Variants in B3GALT1 observed in about 807,000 individuals in gnomAD.
B3GALT1 encodes the protein UDP-Gal:betaGlcNAc beta 1,3-galactosyltransferase, polypeptide 1.
A neutral mutation model predicts 23.2 loss-of-function variants in B3GALT1; 10 were observed. The ratio of observed to expected loss-of-function variants is 0.43; its 90% CI spans 0.27 to 0.73. B3GALT1 has a LOEUF of 0.73. Among genes scored for constraint, B3GALT1 ranks in the 30% least tolerant of loss-of-function variants. The pLI is 0.21. For synonymous variants in B3GALT1, 156 were observed against 141.5 expected (o/e 1.10, Z -0.73); for missense variants, 299 against 405.4 (o/e 0.74, Z 2.25).
At chr2:167,645,700 C>T (rs1390667779) in intron 2 of B3GALT1, among the ~76,000 whole-genome samples, 3 of 151,284 alleles carry the variant, frequency 2.0e-5, no homozygotes, top group East Asian at 3.9e-4. Context: ...CCTGAGTAGG[C>T]GGGATTACAG....
chr2:167,340,441 A>C (rs1296964353), intron 1 of B3GALT1, among the ~76,000 whole-genome samples: 3 of 152,170 alleles, frequency 2.0e-5, no homozygotes, highest in Non-Finnish European at 4.4e-5. Flanking sequence ...CAAAATCTGA[A>C]GCTACTCAAA....
At chr2:167,556,866 A>T (rs1000688046) in intron 2 of B3GALT1, among the ~76,000 whole-genome samples, 9 of 152,204 alleles carry the variant, frequency 5.9e-5, no homozygotes, top group Admixed American at 2.6e-4. Context: ...CCTGCAATGG[A>T]ATATTTATTT....
Position 167,605,743 on chromosome 2 carries a change from C to T in B3GALT1, c.-409-41166C>T, listed in dbSNP as rs115630824. 4.3e-3 allele frequency among the ~76,000 whole-genome samples: 658 copies of T among 152,268 alleles called. 9 individuals carry two copies. Among genetic ancestry groups the T allele is most frequent in the African/African-American group, 0.015 (610 of 41,556 alleles). ...TGCATCTTTATTTTATTGTTCCAGGCACTCTGGTAGGTACTTTATATCTTT... is the reference window on the plus strand; with the variant it reads ...TGCATCTTTATTTTATTGTTCCAGGTACTCTGGTAGGTACTTTATATCTTT... On this transcript the variant is annotated intron_variant, in intron 2 of 4. Transcript: ENST00000392690.
At chr2:167,699,522 T>G (rs546945338) in intron 3 of B3GALT1, among the ~76,000 whole-genome samples, 13 of 151,328 alleles carry the variant, frequency 8.6e-5, no homozygotes, top group Non-Finnish European at 1.6e-4. Context: ...TTAAAGTAAA[T>G]TTCTCACATG....
At chr2:167,449,655 A>T (rs978578768) in intron 1 of B3GALT1, among the ~76,000 whole-genome samples, 1 of 152,170 alleles carries the variant, frequency 6.6e-6, no homozygotes, top group Non-Finnish European at 1.5e-5. Context: ...GAGAGTAAGT[A>T]TCCTTGTCTA....
chr2:167,649,344 T>C (rs1685817667), intron 3 of B3GALT1, among the ~76,000 whole-genome samples: 1 of 152,122 alleles, frequency 6.6e-6, no homozygotes, highest in South Asian at 2.1e-4. Context: ...TTAAAGTGTA[T>C]AATTTAGTAG....
chr2:167,825,241 G>A (rs1195732669), intron 4 of B3GALT1, among the ~76,000 whole-genome samples: 3 of 141,412 alleles, frequency 2.1e-5, no homozygotes, highest in African/African-American at 5.4e-5. Context: ...CCGAGATCGC[G>A]CCACTGTACT....
chr2:167,593,571 T>G (rs1044716119), intron 2 of B3GALT1, among the ~76,000 whole-genome samples: 2 of 152,210 alleles, frequency 1.3e-5, no homozygotes, highest in Non-Finnish European at 2.9e-5. Flanking sequence ...ATACTTCAAT[T>G]TTTTAAAGAA....
intron 2 of B3GALT1, among the ~76,000 whole-genome samples, chr2:167,605,309 C>T (rs910074918): frequency 6.6e-6 from 1 of 152,192 alleles, no homozygotes. Flanking sequence ...CAAAACTCTT[C>T]TTTTTTTCTT....
At chr2:167,447,799 C>T (rs2105317912) in intron 1 of B3GALT1, among the ~76,000 whole-genome samples, 1 of 152,230 alleles carries the variant, frequency 6.6e-6, no homozygotes, top group South Asian at 2.1e-4. Context: ...TCCCTGACCC[C>T]TTGTGCTTCC....
At chr2:167,561,006 T>G (rs1294788048) in intron 2 of B3GALT1, among the ~76,000 whole-genome samples, 2 of 151,884 alleles carry the variant, frequency 1.3e-5, no homozygotes, top group African/African-American at 2.4e-5. Flanking sequence ...AATATACATT[T>G]TTTTCAGTAC....
At chr2:167,593,430 CAA>C (rs1255576224) in intron 2 of B3GALT1, among the ~76,000 whole-genome samples, 2 of 152,074 alleles carry the variant, frequency 1.3e-5, no homozygotes, top group Admixed American at 6.6e-5. Context: ...TTGTTCAGTG[CAA>C]AGTTTGTGTG....
chr2:167,743,611 G>A (rs2105278667), intron 3 of B3GALT1, among the ~76,000 whole-genome samples: 1 of 151,934 alleles, frequency 6.6e-6, no homozygotes, highest in Admixed American at 6.6e-5. Flanking sequence ...AATCGGTTTT[G>A]GTAATAATAT....
At chr2:167,517,694 G>T (rs28432772) in intron 2 of B3GALT1, among the ~76,000 whole-genome samples, 41 of 152,104 alleles carry the variant, frequency 2.7e-4, no homozygotes, top group African/African-American at 9.9e-4. Context: ...AACTAAAAAT[G>T]AAACTTTAAA....
intron 1 of B3GALT1, among the ~76,000 whole-genome samples, chr2:167,364,428 G>GT (rs1285857418): frequency 6.6e-6 from 1 of 151,554 alleles, no homozygotes; most frequent in Non-Finnish European, 1.5e-5. Flanking sequence ...CATGTGCCAT[G>GT]TTGGTGTGCT....
intron 2 of B3GALT1, among the ~76,000 whole-genome samples, chr2:167,584,673 G>A (rs1367918): frequency 0.17 from 25,923 of 152,038 alleles, 2,271 homozygotes; most frequent in Non-Finnish European, 0.18. Flanking sequence ...CTATAAATCG[G>A]GGTTCCTACA....
intron 4 of B3GALT1, among the ~76,000 whole-genome samples, chr2:167,838,894 A>T (rs1307134513): frequency 6.6e-6 from 1 of 152,246 alleles, no homozygotes; most frequent in Non-Finnish European, 1.5e-5. Flanking sequence ...AATATATGTA[A>T]TCCAGCATAT....
chr2:167,322,484 A>G (rs1280837439), intron 1 of B3GALT1, among the ~76,000 whole-genome samples: 1 of 152,048 alleles, frequency 6.6e-6, no homozygotes, highest in African/African-American at 2.4e-5. Context: ...AGTTTTTCTG[A>G]TCGACTTCTG....
chr2:167,580,739 C>T (rs1230812043), intron 2 of B3GALT1, among the ~76,000 whole-genome samples: 2 of 152,088 alleles, frequency 1.3e-5, no homozygotes, highest in Non-Finnish European at 2.9e-5. Flanking sequence ...TGGGGAGGGA[C>T]TGGGTTTTGT....
Sources: allele counts gnomAD v4.1 joint callset (sites outside exome capture counted in the v4.1 genomes callset), GRCh38; gene constraint gnomAD v4.1.1; transcripts MANE v1.5; gene names NCBI Gene and HGNC (gene_info 2026-07-23, HGNC 2026-07-21).